KSR2: variants seen among roughly 807,000 people sequenced by gnomAD.
KSR2 encodes kinase suppressor of ras 2.
Under a neutral mutation model 107.8 loss-of-function variants are expected in KSR2, and 25 were observed. The observed-to-expected ratio is 0.23, with a 90% CI of 0.17 to 0.32. The LOEUF (loss-of-function observed/expected upper bound fraction) is 0.32. Among genes scored for constraint, KSR2 ranks in the 10% least tolerant of loss-of-function variants. The probability of loss-of-function intolerance (pLI) is 1.00; values close to 1 mark genes in which losing one functional copy is unlikely to be tolerated. For synonymous variants in KSR2, 480 were observed against 507.0 expected (o/e 0.95, Z 0.71); for missense variants, 887 against 1,268.9 (o/e 0.70, Z 4.57).
chr12:117,893,450 T>C (rs1235243232), intron 1 of KSR2, among the ~76,000 whole-genome samples: 2 of 152,206 alleles, frequency 1.3e-5, no homozygotes, highest in Non-Finnish European at 2.9e-5. Flanking sequence ...GCGTAGGCTG[T>C]GGCCCGTGAA....
chr12:117,714,510 G>A (rs976570275), intron 4 of KSR2, among the ~76,000 whole-genome samples: 9 of 152,202 alleles, frequency 5.9e-5, no homozygotes, highest in African/African-American at 1.9e-4. Flanking sequence ...AACCTATTTT[G>A]TGCCTGCAAC....
In KSR2 at chr12:117,525,076, C is replaced by G. The variant is rs755288745; in HGVS notation, c.1995G>C (p.Gln665His). 3.1e-6 allele frequency: 5 copies of G among 1,613,908 alleles called. No individual in the cohort carries two copies. The highest frequency in any genetic ancestry group is 4.2e-6 in the Non-Finnish European group (5 of 1,179,900). The change falls in exon 14 of 20, where the codon CAG (glutamine) becomes CAC (histidine). Residue 665 changes from glutamine to histidine, a missense_variant. Physicochemically the swap from Gln to His is conservative, Grantham distance 24 (BLOSUM62 0). Transcript: ENST00000339824. ...TTCCAATGAGCTCGCCGATCTCCAG[C>G]TGCTCAAAGGGGATGTCCCACTCCT... ...FLQEWDIPFEQLEIGELIGKG... is the reference protein window; with the variant it reads ...FLQEWDIPFEHLEIGELIGKG...
chr12:117,521,303 GT>G (rs1296174734), intron 14 of KSR2, among the ~76,000 whole-genome samples: 1 of 152,240 alleles, frequency 6.6e-6, no homozygotes, highest in Non-Finnish European at 1.5e-5. Context: ...TACTGTCAGA[GT>G]TGGCAGGACA....
At chr12:117,690,074 C>G (rs953738184) in intron 4 of KSR2, among the ~76,000 whole-genome samples, 1 of 152,118 alleles carries the variant, frequency 6.6e-6, no homozygotes, top group African/African-American at 2.4e-5. Flanking sequence ...AGACAGAAAG[C>G]TGTGTTCCAA....
chr12:117,668,876 T>A (rs771108395), intron 4 of KSR2, among the ~76,000 whole-genome samples: 2 of 152,200 alleles, frequency 1.3e-5, no homozygotes, highest in Non-Finnish European at 2.9e-5. Flanking sequence ...GTATTCTTTG[T>A]ACACTCTGTG....
intron 7 of KSR2, among the ~76,000 whole-genome samples, chr12:117,573,524 C>CTTTTTTTT (rs35130903): frequency 1.8e-5 from 2 of 108,338 alleles, no homozygotes; most frequent in Admixed American, 1.1e-4. Context: ...CACATGTTAT[C>CTTTTTTTT]TTTTTTTTTT....
chr12:117,794,108 ACACCAACATGCACACT>A (rs1890464107), intron 3 of KSR2, among the ~76,000 whole-genome samples: 4 of 132,548 alleles, frequency 3.0e-5, no homozygotes, highest in Non-Finnish European at 4.6e-5. Flanking sequence ...ATGCACACTC[ACACCAACATGCACACT>A]CACACCAACA....
chr12:117,487,578 T>C (rs527865168), intron 14 of KSR2, among the ~76,000 whole-genome samples: 1 of 152,312 alleles, frequency 6.6e-6, no homozygotes, highest in East Asian at 1.9e-4. Context: ...TATTTGAGAC[T>C]GTGGGCAGAG....
chr12:117,521,405 G>A (rs992593053), intron 14 of KSR2, among the ~76,000 whole-genome samples: 2 of 152,196 alleles, frequency 1.3e-5, no homozygotes, highest in African/African-American at 4.8e-5. Flanking sequence ...ACGGGTGAGA[G>A]ACACTTTCAC....
chr12:117,926,544 G>T (rs549691017), intron 1 of KSR2, among the ~76,000 whole-genome samples: 1 of 152,298 alleles, frequency 6.6e-6, no homozygotes, highest in Non-Finnish European at 1.5e-5. Context: ...GGACTCTGTG[G>T]GTGGCCCTTC....
chr12:117,511,894 T>C (rs1406882735), intron 14 of KSR2, among the ~76,000 whole-genome samples: 3 of 152,192 alleles, frequency 2.0e-5, no homozygotes, highest in Admixed American at 6.5e-5. Flanking sequence ...ACTGCCATTC[T>C]GGTGAATTTT....
intron 16 of KSR2, among the ~76,000 whole-genome samples, chr12:117,482,166 GC>G (rs1872209960): frequency 6.6e-6 from 1 of 151,898 alleles, no homozygotes. Flanking sequence ...ATGTAGTCAA[GC>G]AGAGAGGCTG....
intron 7 of KSR2, among the ~76,000 whole-genome samples, chr12:117,559,643 A>G (rs1877971628): frequency 6.6e-6 from 1 of 152,148 alleles, no homozygotes; most frequent in Non-Finnish European, 1.5e-5. Flanking sequence ...GCCAGGTATT[A>G]AGTTTTAGAG....
intron 5 of KSR2, among the ~76,000 whole-genome samples, chr12:117,599,032 C>G (rs1880797474): frequency 1.3e-5 from 2 of 152,158 alleles, no homozygotes; most frequent in African/African-American, 2.4e-5. Flanking sequence ...AAGGCATGCT[C>G]TCACCTGTAA....
intron 1 of KSR2, among the ~76,000 whole-genome samples, chr12:117,894,566 T>C (rs187434410): frequency 7.2e-5 from 11 of 152,208 alleles, no homozygotes; most frequent in African/African-American, 2.4e-4. Context: ...ACAAATCTCA[T>C]GTCAAACTGT....
chr12:117,890,696 C>T (rs1894315737), intron 1 of KSR2: 1 of 152,176 alleles, frequency 6.6e-6, no homozygotes, highest in South Asian at 2.1e-4. Context: ...TGATCCATTT[C>T]TTGCATTGTT....
intron 5 of KSR2, among the ~76,000 whole-genome samples, chr12:117,638,620 AG>A (rs1883216075): frequency 6.6e-6 from 1 of 152,196 alleles, no homozygotes; most frequent in African/African-American, 2.4e-5. Context: ...TGTACATGTG[AG>A]GTTTCCCACA....
At chr12:117,830,621 C>A (rs185631048) in intron 3 of KSR2, among the ~76,000 whole-genome samples, 1 of 152,164 alleles carries the variant, frequency 6.6e-6, no homozygotes. Context: ...AGAAAGCCTG[C>A]GTCATTTCCA....
intron 4 of KSR2, among the ~76,000 whole-genome samples, chr12:117,752,873 A>G (rs1221016091): frequency 6.6e-6 from 1 of 152,218 alleles, no homozygotes; most frequent in Non-Finnish European, 1.5e-5. Flanking sequence ...AGAAAATCTG[A>G]AGACATACAA....
Sources: allele counts gnomAD v4.1 joint callset (sites outside exome capture counted in the v4.1 genomes callset), GRCh38; gene constraint gnomAD v4.1.1; transcripts MANE v1.5; gene names NCBI Gene and HGNC (gene_info 2026-07-23, HGNC 2026-07-21).